TMEM256: variants seen among roughly 807,000 people sequenced by gnomAD.
The protein encoded by TMEM256 is UPF0451 protein C17orf61.
Under a neutral mutation model 14.8 loss-of-function variants are expected in TMEM256, and 14 were observed. The observed-to-expected ratio is 0.95, with a 90% confidence interval of 0.63 to 1.48. The LOEUF (loss-of-function observed/expected upper bound fraction) is 1.48, where lower values mean the gene tolerates loss of function less well. Ranked by LOEUF, TMEM256 falls within the 40% of genes most tolerant of loss-of-function variation. The pLI is 0.00. For missense variants in TMEM256, 146 were observed against 137.9 expected, an observed-to-expected ratio of 1.06 and a Z score of -0.30; for synonymous variants, 68 against 60.7, an observed-to-expected ratio of 1.12 and a Z score of -0.56.
chr17:7,403,782 GCAC>G, intron 1 of TMEM256, 93 bp from the exon 2 acceptor site: 4 of 1,237,934 alleles, frequency 3.2e-6, no homozygotes, highest in Non-Finnish European at 4.3e-6. Context: ...GCGAGAAAGG[GCAC>G]CCCCCCCCCC....
Position 7,403,166 on chromosome 17 carries a change from C to A in TMEM256, c.242G>T (p.Ser81Ile), listed in dbSNP as rs780144002. The change falls in exon 4 of 4, where the codon AGC (serine) becomes ATC (isoleucine). Residue 81 changes from serine (S) to isoleucine (I), a missense_variant. Physicochemically the swap from Ser to Ile is moderately radical, Grantham distance 142. Transcript: ENST00000302422. ...TCCACTCAGAGCCTGGTAGTAAAAG[C>A]TGGTGCAGAATAAGGTCGTTCCGGA... ...LASGTTLFCTSFYYQALSGDP... is the reference protein window; with the variant it reads ...LASGTTLFCTIFYYQALSGDP... 6.2e-7 allele frequency: 1 copy of A among 1,614,136 alleles called. No individual in the cohort carries two copies. Among genetic ancestry groups the A allele is most frequent in the South Asian group, 1.1e-5 (1 of 91,084 alleles).
Sources: allele counts gnomAD v4.1 joint callset, GRCh38; gene constraint gnomAD v4.1.1; transcripts MANE v1.5; gene names NCBI Gene and HGNC (gene_info 2026-07-23, HGNC 2026-07-21).